The following GATAD2A variants were observed in gnomAD, a reference collection of about 807,000 sequenced individuals.
GATAD2A encodes the protein transcriptional repressor p66-alpha.
Under a neutral mutation model 68.5 loss-of-function variants are expected in GATAD2A, and 12 were observed. That is an observed-to-expected ratio of 0.18 (90% CI 0.11 to 0.28). GATAD2A has a LOEUF of 0.28. GATAD2A is among the 10% of genes least tolerant of loss of function. The probability of loss-of-function intolerance (pLI) is 1.00; values close to 1 mark genes in which losing one functional copy is unlikely to be tolerated. For missense variants in GATAD2A, 755 were observed against 868.5 expected (o/e 0.87, Z 1.64); for synonymous variants, 410 against 375.3 (o/e 1.09, Z -1.07).
chr19:19,444,336 G>C (rs2055444410), intron 1 of GATAD2A, among the ~76,000 whole-genome samples: 1 of 152,076 alleles, frequency 6.6e-6, no homozygotes, highest in South Asian at 2.1e-4. Context: ...TGTGATCTAG[G>C]GACCCAGCGA....
In GATAD2A at chr19:19,469,246, G is replaced by A. The variant is rs372873448; in HGVS notation, c.269+3632G>A. Among the ~76,000 whole-genome samples the A allele has an allele frequency of 5.9e-5, 9 of 151,864 alleles. No individual in the cohort carries two copies. In the East Asian group the frequency reaches 9.8e-4, roughly 16 times the overall value. On this transcript the variant is annotated intron_variant, in intron 2 of 11. Transcript: ENST00000683918. ...GGAGACCAAGACCATCCTGGCTAAC[G>A]CAGTGAAACCCCGTCTCTACTAAAA...
At chr19:19,461,321 TTA>T (rs144961912) in intron 1 of GATAD2A, among the ~76,000 whole-genome samples, 6,093 of 152,264 alleles carry the variant, frequency 0.04, 197 homozygotes, top group Non-Finnish European at 0.06. Flanking sequence ...GGGTTTGGTT[TTA>T]TGATTTGTGT....
intron 2 of GATAD2A, among the ~76,000 whole-genome samples, chr19:19,466,929 G>A (rs1435571621): frequency 6.6e-6 from 1 of 152,226 alleles, no homozygotes. Flanking sequence ...AGGGCAGGAA[G>A]AGGAGGAGTC....
chr19:19,477,755 C>T (rs769385104), intron 2 of GATAD2A, among the ~76,000 whole-genome samples: 8 of 152,184 alleles, frequency 5.3e-5, no homozygotes, highest in South Asian at 2.1e-4. Flanking sequence ...GGCATTTGGA[C>T]GGGAGAGAGG....
At chr19:19,503,023 C>G (rs973878370) in intron 11 of GATAD2A, among the ~76,000 whole-genome samples, 1 of 152,312 alleles carries the variant, frequency 6.6e-6, no homozygotes, top group African/African-American at 2.4e-5. Context: ...GAGGCCTTGC[C>G]GGAGACGGTG....
At chr19:19,415,774 C>T (rs1160804522) in intron 1 of GATAD2A, among the ~76,000 whole-genome samples, 5 of 151,900 alleles carry the variant, frequency 3.3e-5, no homozygotes, top group Non-Finnish European at 7.4e-5. Context: ...CATGCCACCA[C>T]GCCTAGCTAA....
At chr19:19,473,940 C>T (rs769150388) in intron 2 of GATAD2A, 5 of 575,318 alleles carry the variant, frequency 8.7e-6, no homozygotes, top group African/African-American at 2.0e-5. Flanking sequence ...AGCGAGACTC[C>T]GTCTCAAAAA....
rs1231377018 is a variant in GATAD2A at position 19,418,452 on chromosome 19, TAGC to T, written c.-7+12439_-7+12441del. Among the ~76,000 whole-genome samples the T allele has an allele frequency of 2.6e-5, 4 of 152,330 alleles. No homozygotes were observed. The South Asian group carries it at 8.3e-4, about 32-fold the overall frequency. On this transcript the variant is annotated intron_variant, in intron 1 of 11. Coordinates refer to ENST00000683918, the MANE Select transcript of GATAD2A (RefSeq NM_001384528.1). ...TTCTGCTCTGTTCCTATGAATGAAA[TAGC>T]AGCAGATGGATGGAAGTTCGAGGAA...
rs182416793 is a variant in GATAD2A at position 19,498,203 on chromosome 19, A to C, written c.925-240A>C. 5.6e-4 allele frequency among the ~76,000 whole-genome samples: 86 copies of C among 152,324 alleles called. 6 individuals are homozygous for C. Among genetic ancestry groups the C allele is most frequent in the Non-Finnish European group, 1.8e-4 (12 of 68,024 alleles). On this transcript the variant is annotated intron_variant, in intron 7 of 11. Transcript: ENST00000683918. ...TTAAGTGTGTGCGGTTTATCTGGTA[A>C]ACCTCGGTGCACATGTGCAGATGAG...
intron 1 of GATAD2A, among the ~76,000 whole-genome samples, chr19:19,387,412 T>G (rs944505715): frequency 6.6e-6 from 1 of 151,836 alleles, no homozygotes. Flanking sequence ...CTCTGCCTCC[T>G]GGGTTCAAGC....
At chr19:19,449,971 G>A (rs1568296568) in intron 1 of GATAD2A, among the ~76,000 whole-genome samples, 1 of 151,522 alleles carries the variant, frequency 6.6e-6, no homozygotes, top group Non-Finnish European at 1.5e-5. Flanking sequence ...AGGTTTTTTT[G>A]TAGAGTCAGG....
intron 1 of GATAD2A, among the ~76,000 whole-genome samples, chr19:19,455,821 G>A (rs971094016): frequency 4.6e-5 from 7 of 152,038 alleles, no homozygotes; most frequent in South Asian, 2.1e-4. Context: ...TAAATGGCCC[G>A]CAGAGCCAAA....
At chr19:19,453,985 T>G (rs2056669525) in intron 1 of GATAD2A, among the ~76,000 whole-genome samples, 1 of 144,978 alleles carries the variant, frequency 6.9e-6, no homozygotes, top group Admixed American at 6.8e-5. Flanking sequence ...TTTTTTTTTT[T>G]TGTTTATTTT....
chr19:19,457,357 A>T (rs1223285289), intron 1 of GATAD2A: 1 of 377,844 alleles, frequency 2.6e-6, no homozygotes, highest in Non-Finnish European at 3.6e-6. Flanking sequence ...GAGACATCTG[A>T]GGATGGCTGT....
In GATAD2A at chr19:19,483,685, G is replaced by A. The variant is rs1295958055; in HGVS notation, c.270-8621G>A. Among the ~76,000 whole-genome samples, 7 of 151,962 alleles carry A rather than the reference G, an allele frequency of 4.6e-5. No individual in the cohort carries two copies. In the East Asian group the frequency reaches 5.8e-4, roughly 13 times the overall value. ...CATGGAGTGCAGTGGCACAATCTCG[G>A]CTCACTGCAAACTCCACCTCCCGGG... is the stretch of plus-strand genomic sequence containing the variant. On this transcript the variant is annotated intron_variant, in intron 2 of 11. Coordinates refer to ENST00000683918, the MANE Select transcript of GATAD2A (RefSeq NM_001384528.1).
At chr19:19,392,243 GC>G (rs988055058) in intron 1 of GATAD2A, among the ~76,000 whole-genome samples, 6 of 151,456 alleles carry the variant, frequency 4.0e-5, no homozygotes, top group African/African-American at 1.5e-4. Context: ...GCGCCACCAT[GC>G]CCGGCTAATT....
chr19:19,470,919 A>G (rs1600218771), intron 2 of GATAD2A, among the ~76,000 whole-genome samples: 1 of 152,234 alleles, frequency 6.6e-6, no homozygotes, highest in African/African-American at 2.4e-5. Flanking sequence ...ATGTGTCCAC[A>G]CAGACAGGTA....
intron 1 of GATAD2A, among the ~76,000 whole-genome samples, chr19:19,450,082 C>A (rs1046098277): frequency 1.3e-5 from 2 of 152,194 alleles, no homozygotes; most frequent in African/African-American, 4.8e-5. Flanking sequence ...TGAGCCACTG[C>A]ACCTGGTCCC....
chr19:19,475,946 A>T (rs2058650461), intron 2 of GATAD2A, among the ~76,000 whole-genome samples: 1 of 152,184 alleles, frequency 6.6e-6, no homozygotes, highest in South Asian at 2.1e-4. Context: ...CTCAGCTCAC[A>T]TGAGGGCCGT....
Sources: allele counts gnomAD v4.1 joint callset (sites outside exome capture counted in the v4.1 genomes callset), GRCh38; gene constraint gnomAD v4.1.1; transcripts MANE v1.5; gene names NCBI Gene and HGNC (gene_info 2026-07-23, HGNC 2026-07-21).